SH3YL1: variants seen among roughly 807,000 people sequenced by gnomAD.
SH3YL1 encodes SH3 domain-containing YSC84-like protein 1.
In SH3YL1, 41 loss-of-function variants were observed where a neutral mutation model predicts 45.8. The observed-to-expected ratio is 0.89, with a 90% CI of 0.70 to 1.16. SH3YL1 has a LOEUF of 1.16. SH3YL1 is among the 50% of genes most tolerant of loss of function. The pLI is 0.00. For synonymous variants in SH3YL1, 152 were observed against 151.4 expected (o/e 1.00, Z -0.03); for missense variants, 389 against 409.6 (o/e 0.95, Z 0.43).
At chr2:220,615 G>A (rs183151920) in intron 9 of SH3YL1, among the ~76,000 whole-genome samples, 16 of 152,352 alleles carry the variant, frequency 1.1e-4, no homozygotes, top group Admixed American at 8.5e-4. Context: ...GAAAGGAGCT[G>A]TGCTCTGCCC....
intron 4 of SH3YL1, among the ~76,000 whole-genome samples, chr2:237,091 G>C (rs929421033): frequency 6.6e-6 from 1 of 151,326 alleles, no homozygotes; most frequent in African/African-American, 2.4e-5. Flanking sequence ...CCTGTATCTT[G>C]TATGTATTTT....
chr2:249,719 A>G lies in SH3YL1; in HGVS notation c.226+12T>C. 6.5e-7 allele frequency: 1 copy of G among 1,537,420 alleles called. No individual in the cohort carries two copies. The highest frequency in any genetic ancestry group is 8.8e-7 in the Non-Finnish European group (1 of 1,134,002). ...GAAGACTCTCTACTCCAGTGAACAGACGCCAACTTACTTCCATCTGGAAGG... is the reference window on the plus strand; with the variant it reads ...GAAGACTCTCTACTCCAGTGAACAGGCGCCAACTTACTTCCATCTGGAAGG... On this transcript the variant is annotated intron_variant, in intron 3 of 9. Transcript: ENST00000356150.
At chr2:254,399 G>C (rs1010690573) in intron 1 of SH3YL1, among the ~76,000 whole-genome samples, 1 of 152,188 alleles carries the variant, frequency 6.6e-6, no homozygotes, top group Non-Finnish European at 1.5e-5. Context: ...GAGCGAAGAA[G>C]CTGAATAGCT....
rs1332763238 is a variant in SH3YL1, at chr2:253,168, G to A, written c.2-53C>T. 8.0e-6 allele frequency: 8 copies of A among 997,626 alleles called. No homozygotes were observed. The East Asian group carries it at 1.3e-4, about 16-fold the overall frequency. 61.8% of individuals were successfully genotyped at this position (997,626 alleles called of 1,614,324 possible). A position where few individuals can be genotyped will look rare whatever the true frequency, so the allele number is the denominator to read the frequency against. Reference sequence around the variant, plus strand: ...GAAAAATTCTGCTAAATAGAAGTGAGAAATTTATTATTATTTCATTCTTCT... The same window carrying A: ...GAAAAATTCTGCTAAATAGAAGTGAAAAATTTATTATTATTTCATTCTTCT... On this transcript the variant is annotated intron_variant, in intron 1 of 9. Transcript: ENST00000356150.
chr2:262,565 T>G, intron 1 of SH3YL1: 1 of 1,303,012 alleles, frequency 7.7e-7, no homozygotes, highest in Non-Finnish European at 1.0e-6. Context: ...AGAGAAAATT[T>G]TTTTAAAAAC....
At chr2:247,482 A>C in intron 4 of SH3YL1, 56 bp downstream of exon 4, 1 of 1,370,148 alleles carries the variant, frequency 7.3e-7, no homozygotes, top group Middle Eastern at 1.8e-4. Flanking sequence ...CACAGGTTGC[A>C]TCTTAGGTGT....
intron 4 of SH3YL1, chr2:240,255 A>C (rs300704): frequency 0.91 from 139,235 of 152,470 alleles, 63,697 homozygotes; most frequent in African/African-American, 0.97. Context: ...AAGCTACTAC[A>C]CCACCCAAGG....
At chr2:225,750 T>A (rs1256367532) in intron 8 of SH3YL1, among the ~76,000 whole-genome samples, 10 of 152,216 alleles carry the variant, frequency 6.6e-5, no homozygotes, top group Admixed American at 6.5e-4. Flanking sequence ...CTGTGAAAAT[T>A]GGTACTTAAG....
chr2:230,632 G>T, intron 7 of SH3YL1: 1 of 264,136 alleles, frequency 3.8e-6, no homozygotes, highest in Non-Finnish European at 7.3e-6. Context: ...TCAGCCTCCT[G>T]AGTAGCTGAG....
intron 4 of SH3YL1, chr2:241,161 GA>G (rs974228667): frequency 2.8e-4 from 43 of 152,154 alleles, no homozygotes; most frequent in Admixed American, 2.2e-3. Flanking sequence ...TTAAGAAGTA[GA>G]AAAACGTACA....
At chr2:252,781 C>G (rs919858419) in intron 2 of SH3YL1, among the ~76,000 whole-genome samples, 2 of 152,130 alleles carry the variant, frequency 1.3e-5, no homozygotes, top group African/African-American at 4.8e-5. Flanking sequence ...ACAAGTTATG[C>G]TGTGAACACC....
At chr2:244,003 C>T (rs1053357773) in intron 4 of SH3YL1, among the ~76,000 whole-genome samples, 2 of 152,246 alleles carry the variant, frequency 1.3e-5, no homozygotes, top group Admixed American at 6.5e-5. Context: ...GCAGACAAGA[C>T]AGACTACAGG....
intron 8 of SH3YL1, among the ~76,000 whole-genome samples, chr2:229,728 CAAAAAAAAA>C (rs397709071): frequency 2.1e-5 from 2 of 93,378 alleles, no homozygotes; most frequent in Middle Eastern, 6.0e-3. Flanking sequence ...GACTCCGTCT[CAAAAAAAAA>C]AAAAAAAAAA....
At chr2:245,409 C>T (rs555334352) in intron 4 of SH3YL1, among the ~76,000 whole-genome samples, 1 of 152,256 alleles carries the variant, frequency 6.6e-6, no homozygotes, top group Non-Finnish European at 1.5e-5. Flanking sequence ...CTGTAAATGG[C>T]AAGCCTAAAT....
intron 5 of SH3YL1, 73 bp downstream of exon 5, chr2:234,087 G>T: frequency 9.0e-7 from 1 of 1,110,096 alleles, no homozygotes; most frequent in Non-Finnish European, 1.3e-6. Context: ...TTTAATTCAA[G>T]TTTCCTATTA....
At chr2:239,185 T>C (rs1319612186) in intron 4 of SH3YL1, among the ~76,000 whole-genome samples, 1 of 152,188 alleles carries the variant, frequency 6.6e-6, no homozygotes, top group Non-Finnish European at 1.5e-5. Flanking sequence ...AACAGGCCAT[T>C]AATGAACACA....
chr2:219,027 T>A, intron 9 of SH3YL1, 26 bp from the exon 10 acceptor site: 2 of 1,585,794 alleles, frequency 1.3e-6, no homozygotes, highest in Non-Finnish European at 1.7e-6. Flanking sequence ...AGTATTCACG[T>A]TTATGTTCTT....
intron 4 of SH3YL1, chr2:243,697 C>A (rs1420294902): frequency 3.0e-6 from 3 of 984,020 alleles, no homozygotes; most frequent in Non-Finnish European, 4.3e-6. Context: ...CCTTAAGTTT[C>A]TTCCCCGGAA....
chr2:235,376 AGCAGCATGGGCCAGGGGAG>A (rs1432917683), intron 4 of SH3YL1, among the ~76,000 whole-genome samples: 16,404 of 103,574 alleles, frequency 0.16, 2,707 homozygotes, highest in East Asian at 0.39. Flanking sequence ...CAGGGGAGGC[AGCAGCATGGGCCAGGGGAG>A]GCAGCATGGG....
Sources: allele counts gnomAD v4.1 joint callset (sites outside exome capture counted in the v4.1 genomes callset), GRCh38; gene constraint gnomAD v4.1.1; transcripts MANE v1.5; gene names NCBI Gene and HGNC (gene_info 2026-07-23, HGNC 2026-07-21).